The following RORA variants were observed in gnomAD, a reference collection of about 807,000 sequenced individuals.
RORA encodes the protein nuclear receptor ROR-alpha.
In RORA, 7 loss-of-function variants were observed where a neutral mutation model predicts 69.5. That is an observed-to-expected ratio of 0.10 (90% CI 0.06 to 0.19). The LOEUF (loss-of-function observed/expected upper bound fraction) is 0.19. RORA is among the 10% of genes least tolerant of loss of function. The pLI, the probability that RORA is intolerant of heterozygous loss-of-function variation, is 1.00. For synonymous variants in RORA, 261 were observed against 240.8 expected (o/e 1.08, Z -0.78); for missense variants, 457 against 663.0 (o/e 0.69, Z 3.41).
intron 5 of RORA, chr15:60,510,511 A>C (rs1466236526): frequency 1.3e-5 from 2 of 152,242 alleles, no homozygotes; most frequent in African/African-American, 4.8e-5. Flanking sequence ...TTTGTCACCA[A>C]TATCCATCAT....
chr15:60,815,544 C>A (rs1409224590), intron 1 of RORA, among the ~76,000 whole-genome samples: 1 of 152,084 alleles, frequency 6.6e-6, no homozygotes, highest in African/African-American at 2.4e-5. Flanking sequence ...AAGGGCCCAA[C>A]TTACAAACGT....
At chr15:60,554,008 G>A (rs941901897) in intron 2 of RORA, among the ~76,000 whole-genome samples, 11 of 151,838 alleles carry the variant, frequency 7.2e-5, no homozygotes, top group Non-Finnish European at 1.0e-4. Context: ...TTTTTCTCCC[G>A]TTAACCTGTC....
intron 1 of RORA, among the ~76,000 whole-genome samples, chr15:61,072,179 T>G (rs1209188586): frequency 6.6e-6 from 1 of 152,174 alleles, no homozygotes; most frequent in Non-Finnish European, 1.5e-5. Context: ...GCAAAGAACA[T>G]TACAAATTAT....
intron 1 of RORA, chr15:60,841,096 A>T (rs1201327100): frequency 8.1e-6 from 8 of 984,998 alleles, no homozygotes; most frequent in Non-Finnish European, 7.2e-6. Flanking sequence ...CCCCGTGAGC[A>T]TTTTTTCAGC....
At chr15:61,114,719 G>A (rs373824718) in intron 1 of RORA, among the ~76,000 whole-genome samples, 4 of 152,090 alleles carry the variant, frequency 2.6e-5, no homozygotes, top group East Asian at 1.9e-4. Flanking sequence ...CTTGCATCAC[G>A]GATGGTTATC....
At chr15:61,140,066 A>T (rs2079283927) in intron 1 of RORA, among the ~76,000 whole-genome samples, 2 of 152,306 alleles carry the variant, frequency 1.3e-5, no homozygotes, top group South Asian at 4.1e-4. Context: ...GTGCATATAC[A>T]TTCACAGTAC....
chr15:60,518,778 C>T (rs1251214695), intron 3 of RORA, among the ~76,000 whole-genome samples: 2 of 152,206 alleles, frequency 1.3e-5, no homozygotes, highest in Non-Finnish European at 2.9e-5. Context: ...CAGTGTTTCC[C>T]CACATCCCTC....
At chr15:61,221,367 CCTCA>C (rs2080094403) in intron 1 of RORA, among the ~76,000 whole-genome samples, 1 of 151,452 alleles carries the variant, frequency 6.6e-6, no homozygotes, top group Non-Finnish European at 1.5e-5. Context: ...AACGATGGTC[CCTCA>C]TTTCCCCCTC....
intron 2 of RORA, among the ~76,000 whole-genome samples, chr15:60,667,464 A>C (rs2070396732): frequency 2.0e-5 from 3 of 152,136 alleles, no homozygotes; most frequent in Admixed American, 2.0e-4. Context: ...CTTTATGTTA[A>C]ATACATCACC....
At chr15:61,003,448 T>C (rs1444128304) in intron 1 of RORA, among the ~76,000 whole-genome samples, 1 of 152,096 alleles carries the variant, frequency 6.6e-6, no homozygotes, top group Non-Finnish European at 1.5e-5. Context: ...AATTAACAAA[T>C]TCATTAATTA....
At position 61,144,728 on chromosome 15, in the gene RORA, T is replaced by C. The variant is rs552073745; in HGVS notation, c.166+84325A>G. Among the ~76,000 whole-genome samples, 7 of 152,330 alleles carry C rather than the reference T, an allele frequency of 4.6e-5. No homozygotes were observed. The East Asian group carries it at 1.2e-3, about 25-fold the overall frequency. ...CTCTAGGATCTCTTGGAGGAAAATT[T>C]GGCAGATCTTTCTAAATTTGAAATA... is the stretch of plus-strand genomic sequence containing the variant. On this transcript the variant is annotated intron_variant, in intron 1 of 10. Transcript: ENST00000335670.
intron 1 of RORA, among the ~76,000 whole-genome samples, chr15:61,077,690 A>C (rs956320065): frequency 2.0e-5 from 3 of 152,180 alleles, no homozygotes; most frequent in Non-Finnish European, 4.4e-5. Context: ...CTTTTGAAAA[A>C]TGTGCCTTTT....
At chr15:61,013,442 C>G (rs935336876) in intron 1 of RORA, among the ~76,000 whole-genome samples, 1 of 152,204 alleles carries the variant, frequency 6.6e-6, no homozygotes. Flanking sequence ...ACCAGTAAGA[C>G]AACTGACAGG....
intron 1 of RORA, among the ~76,000 whole-genome samples, chr15:60,744,962 G>A (rs1027999728): frequency 7.2e-5 from 11 of 152,188 alleles, no homozygotes; most frequent in African/African-American, 2.7e-4. Flanking sequence ...GATGGGCCCA[G>A]GCCAGGATTC....
intron 2 of RORA, chr15:60,556,993 T>A: frequency 7.5e-7 from 1 of 1,334,572 alleles, no homozygotes; most frequent in Non-Finnish European, 1.1e-6. Context: ...CATGTATTTA[T>A]GCATAGCACA....
At chr15:60,516,243 A>T (rs1214012847) in intron 3 of RORA, among the ~76,000 whole-genome samples, 3 of 77,574 alleles carry the variant, frequency 3.9e-5, no homozygotes, top group Non-Finnish European at 6.7e-5. Flanking sequence ...ATTTATATAT[A>T]TATATTTATA....
chr15:60,895,174 C>T (rs911767054), intron 1 of RORA, among the ~76,000 whole-genome samples: 14 of 152,146 alleles, frequency 9.2e-5, no homozygotes, highest in African/African-American at 3.4e-4. Context: ...ACATGACACA[C>T]GAAATGAAAT....
At chr15:60,790,183 T>C (rs961828172) in intron 1 of RORA, among the ~76,000 whole-genome samples, 1 of 152,250 alleles carries the variant, frequency 6.6e-6, no homozygotes, top group Non-Finnish European at 1.5e-5. Context: ...TTTGTGAGCA[T>C]CTAAATCACC....
intron 1 of RORA, among the ~76,000 whole-genome samples, chr15:61,108,167 A>G (rs1209074750): frequency 6.6e-6 from 1 of 152,082 alleles, no homozygotes; most frequent in Non-Finnish European, 1.5e-5. Flanking sequence ...GGTTCTTGAA[A>G]TTTCTTCCTT....
Sources: gnomAD v4.1 joint callset for allele counts (sites outside exome capture counted in the v4.1 genomes callset) on GRCh38, gnomAD v4.1.1 for gene constraint, MANE v1.5 for transcripts, NCBI Gene and HGNC (gene_info 2026-07-23, HGNC 2026-07-21) for gene names.